Variants in TENM2 observed in about 807,000 individuals in gnomAD.
The protein encoded by TENM2 is teneurin-2.
TENM2 carries 52 observed loss-of-function variants against 245.2 expected under a neutral mutation model. The ratio of observed to expected loss-of-function variants is 0.21; its 90% CI spans 0.17 to 0.27. TENM2 has a LOEUF of 0.27. Among genes scored for constraint, TENM2 ranks in the 10% least tolerant of loss-of-function variants. The pLI is 1.00. For missense variants in TENM2, 3,046 were observed against 3,666.8 expected, an observed-to-expected ratio of 0.83 and a Z score of 4.37; for synonymous variants, 1,363 against 1,438.9, an observed-to-expected ratio of 0.95 and a Z score of 1.19.
Position 167,889,568 on chromosome 5 carries a change from G to A in TENM2, c.712+13373G>A, listed in dbSNP as rs560487174. 2.0e-4 allele frequency among the ~76,000 whole-genome samples: 30 copies of A among 152,098 alleles called. No individual in the cohort carries two copies. The South Asian group carries it at 5.8e-3, about 30-fold the overall frequency. ...ACCCCCCTTTCACTCTGTCTGCTTA[G>A]AATATTGCTTTACATGTCGCTCTTC... On this transcript the variant is annotated intron_variant, in intron 3 of 28. Coordinates refer to ENST00000518659, the Ensembl canonical transcript of TENM2.
intron 2 of TENM2, among the ~76,000 whole-genome samples, chr5:167,512,573 G>A (rs1167987334): frequency 6.6e-6 from 1 of 152,096 alleles, no homozygotes; most frequent in African/African-American, 2.4e-5. Flanking sequence ...AAGGAAAAAA[G>A]GAATAGCATC....
At chr5:167,323,086 C>T (rs1756865021) in intron 1 of TENM2, among the ~76,000 whole-genome samples, 1 of 152,220 alleles carries the variant, frequency 6.6e-6, no homozygotes, top group African/African-American at 2.4e-5. Flanking sequence ...ATCTGAATGA[C>T]CCTCACATCA....
At chr5:167,323,544 A>G (rs1219464364) in intron 1 of TENM2, among the ~76,000 whole-genome samples, 2 of 152,072 alleles carry the variant, frequency 1.3e-5, no homozygotes, top group Non-Finnish European at 2.9e-5. Flanking sequence ...TTTTTTCCTA[A>G]ATGCAATCAG....
chr5:167,072,166 GCGGGGC>G, the TENM2 span, among the ~76,000 whole-genome samples: 1 of 152,186 alleles, frequency 6.6e-6, no homozygotes, highest in Non-Finnish European at 1.5e-5. Context: ...GCCAGACAAG[GCGGGGC>G]TCATTGTGTT....
chr5:167,792,221 TAC>T (rs1011640216), intron 2 of TENM2, among the ~76,000 whole-genome samples: 1 of 151,984 alleles, frequency 6.6e-6, no homozygotes, highest in Non-Finnish European at 1.5e-5. Context: ...GAGCCTTCAT[TAC>T]AGCCTCTTCC....
intron 1 of TENM2, among the ~76,000 whole-genome samples, chr5:167,344,756 C>A (rs896250542): frequency 6.6e-6 from 1 of 152,010 alleles, no homozygotes; most frequent in African/African-American, 2.4e-5. Context: ...CTAGGGCACA[C>A]CAGAGACTTG....
At chr5:167,535,985 G>A (rs1771814003) in intron 2 of TENM2, among the ~76,000 whole-genome samples, 1 of 152,128 alleles carries the variant, frequency 6.6e-6, no homozygotes, top group Admixed American at 6.6e-5. Context: ...TTGCCAAGCA[G>A]TCTACATGGT....
At chr5:167,226,366 G>A in the TENM2 span, among the ~76,000 whole-genome samples, 5 of 151,874 alleles carry the variant, frequency 3.3e-5, no homozygotes, top group African/African-American at 9.7e-5. Context: ...TTTGTTCTGA[G>A]AAACTTTTTG....
the TENM2 span, among the ~76,000 whole-genome samples, chr5:167,113,283 A>G: frequency 6.6e-6 from 1 of 152,166 alleles, no homozygotes; most frequent in African/African-American, 2.4e-5. Flanking sequence ...TGACAGGGCC[A>G]GGGGTCCTTA....
At chr5:167,757,213 G>GTAT (rs1056853708) in intron 2 of TENM2, among the ~76,000 whole-genome samples, 7 of 151,732 alleles carry the variant, frequency 4.6e-5, no homozygotes, top group African/African-American at 1.7e-4. Flanking sequence ...GCTACATTAG[G>GTAT]TATTTCTCCT....
intron 2 of TENM2, among the ~76,000 whole-genome samples, chr5:167,842,889 G>A (rs1769680859): frequency 6.6e-6 from 1 of 152,168 alleles, no homozygotes; most frequent in African/African-American, 2.4e-5. Flanking sequence ...AACACAGTTG[G>A]CTCCTATCAG....
chr5:167,214,665 AT>A, the TENM2 span, among the ~76,000 whole-genome samples: 1 of 152,178 alleles, frequency 6.6e-6, no homozygotes, highest in Admixed American at 6.5e-5. Flanking sequence ...TGACATTCTG[AT>A]TTGATTAGCA....
At chr5:167,870,554 C>CATAT (rs60172043) in intron 2 of TENM2, among the ~76,000 whole-genome samples, 6,478 of 128,322 alleles carry the variant, frequency 0.05, 479 homozygotes, top group African/African-American at 0.18. Flanking sequence ...AATGTGTATA[C>CATAT]ATATATATAT....
In TENM2 at chr5:167,855,852, AAT is replaced by A. The variant is rs1771036056; in HGVS notation, c.503-20133_503-20132del. 1.2e-4 allele frequency among the ~76,000 whole-genome samples: 13 copies of A among 106,034 alleles called. No individual in the cohort carries two copies. In the South Asian group the frequency reaches 5.6e-3, roughly 46 times the overall value. 69.6% of individuals were successfully genotyped at this position (106,034 alleles called of 152,430 possible). A position where few individuals can be genotyped will look rare whatever the true frequency, so the allele number is the denominator to read the frequency against. ...GAGGGAGAGAGGGAGGGAGGGAAGG[AAT>A]GAGGGAGGGAGGAAGGAAGGGAGGA... is the stretch of plus-strand genomic sequence containing the variant. On this transcript the variant is annotated intron_variant, in intron 2 of 28. Coordinates refer to ENST00000518659, the Ensembl canonical transcript of TENM2.
At chr5:167,760,709 A>G (rs1762607632) in intron 2 of TENM2, among the ~76,000 whole-genome samples, 1 of 152,158 alleles carries the variant, frequency 6.6e-6, no homozygotes, top group Non-Finnish European at 1.5e-5. Flanking sequence ...GCTAGAGTGC[A>G]ATGGCATGAT....
At chr5:167,256,716 G>C in the TENM2 span, among the ~76,000 whole-genome samples, 2 of 152,024 alleles carry the variant, frequency 1.3e-5, no homozygotes, top group Non-Finnish European at 2.9e-5. Context: ...AATATAAGTA[G>C]GGAAGCCAGA....
At chr5:167,468,809 A>G (rs2127505646) in intron 2 of TENM2, among the ~76,000 whole-genome samples, 1 of 152,294 alleles carries the variant, frequency 6.6e-6, no homozygotes, top group East Asian at 1.9e-4. Flanking sequence ...TTTTATTTGT[A>G]GTATTCAAAT....
chr5:167,051,830 A>T, the TENM2 span, among the ~76,000 whole-genome samples: 6 of 152,232 alleles, frequency 3.9e-5, no homozygotes, highest in Non-Finnish European at 7.3e-5. Flanking sequence ...TCATATAAGT[A>T]GCTGAATTCC....
intron 19 of TENM2, 44 bp downstream of exon 21, chr5:168,204,665 CA>C: frequency 1.3e-6 from 2 of 1,599,142 alleles, no homozygotes; most frequent in East Asian, 4.5e-5. Context: ...TCTTGCCCCC[CA>C]TAACTCCTGA....
Sources: allele counts gnomAD v4.1 joint callset (sites outside exome capture counted in the v4.1 genomes callset), GRCh38; gene constraint gnomAD v4.1.1; transcripts MANE v1.5; gene names NCBI Gene and HGNC (gene_info 2026-07-23, HGNC 2026-07-21).